Variants in CLIC5 observed in about 807,000 individuals in gnomAD.
The protein encoded by CLIC5 is CLIC family member 5.
In CLIC5, 20 loss-of-function variants were observed where a neutral mutation model predicts 24.7. That is an observed-to-expected ratio of 0.81 (90% confidence interval 0.57 to 1.18). The LOEUF (loss-of-function observed/expected upper bound fraction) is 1.18, where lower values mean the gene tolerates loss of function less well. Among genes scored for constraint, CLIC5 ranks in the 50% most tolerant of loss-of-function variants. The pLI is 0.00. For synonymous variants in CLIC5, 159 were observed against 135.6 expected (o/e 1.17, Z -1.20); for missense variants, 341 against 326.1 (o/e 1.05, Z -0.35).
At chr6:46,032,450 C>A (rs1767529823) in intron 1 of CLIC5, among the ~76,000 whole-genome samples, 1 of 152,148 alleles carries the variant, frequency 6.6e-6, no homozygotes, top group Admixed American at 6.5e-5. Context: ...TCAGCTTTTA[C>A]TTTATGCATT....
At chr6:45,994,601 C>T (rs116278468) in intron 1 of CLIC5, among the ~76,000 whole-genome samples, 2,375 of 151,998 alleles carry the variant, frequency 0.016, 71 homozygotes, top group African/African-American at 0.055. Flanking sequence ...ACGTGTATCC[C>T]GGGACTTAAA....
chr6:46,008,375 GGT>G (rs1766669056), intron 1 of CLIC5, among the ~76,000 whole-genome samples: 2 of 152,090 alleles, frequency 1.3e-5, no homozygotes. Flanking sequence ...ACTCAACTCA[GGT>G]CCCACCCTAC....
At chr6:46,035,997 G>C (rs897062667) in intron 1 of CLIC5, among the ~76,000 whole-genome samples, 1 of 151,826 alleles carries the variant, frequency 6.6e-6, no homozygotes, top group South Asian at 2.1e-4. Flanking sequence ...TGCCTGCCTC[G>C]GCCTCCCAAA....
chr6:46,039,907 A>T (rs1767759116), intron 1 of CLIC5, among the ~76,000 whole-genome samples: 1 of 152,254 alleles, frequency 6.6e-6, no homozygotes, highest in African/African-American at 2.4e-5. Context: ...ACACCACAGC[A>T]TATCAGTTAA....
the CLIC5 span, among the ~76,000 whole-genome samples, chr6:46,119,166 T>C: frequency 6.6e-6 from 1 of 152,168 alleles, no homozygotes; most frequent in Non-Finnish European, 1.5e-5. Context: ...GTAAAAAATT[T>C]GTGTTGGTCA....
chr6:45,941,258 C>T (rs1308158760), intron 4 of CLIC5, among the ~76,000 whole-genome samples: 1 of 152,186 alleles, frequency 6.6e-6, no homozygotes, highest in East Asian at 1.9e-4. Context: ...GTGCACTATG[C>T]TGTGCAATAA....
At chr6:46,120,233 A>C in the CLIC5 span, among the ~76,000 whole-genome samples, 1 of 152,090 alleles carries the variant, frequency 6.6e-6, no homozygotes, top group East Asian at 1.9e-4. Flanking sequence ...CTGAGATGAA[A>C]CCGCCAGAGG....
intron 1 of CLIC5, among the ~76,000 whole-genome samples, chr6:45,988,639 C>T (rs926461932): frequency 2.0e-5 from 3 of 152,308 alleles, no homozygotes; most frequent in African/African-American, 7.2e-5. Context: ...AACTATTATC[C>T]TTGTTTTAGC....
At position 45,971,826 on chromosome 6, in the gene CLIC5, G is replaced by C. The variant is rs3777597; in HGVS notation, c.64-16582C>G. ...GCAATTCTGCTGACTCTTCTACACA[G>C]AGAAGAGGCCTGCTGAAGAATTAAA... On this transcript the variant is annotated intron_variant, in intron 1 of 5. Transcript: ENST00000339561. Among the ~76,000 whole-genome samples the C allele has an allele frequency of 3.0e-4, 45 of 152,302 alleles. No homozygotes were observed. In the East Asian group the frequency reaches 8.3e-3, roughly 28 times the overall value.
upstream of CLIC5, among the ~76,000 whole-genome samples, chr6:46,018,462 T>C (rs1156910765): frequency 6.6e-6 from 1 of 152,238 alleles, no homozygotes; most frequent in Non-Finnish European, 1.5e-5. Context: ...AGATAACTTA[T>C]AGTTTTGATA....
intron 1 of CLIC5, among the ~76,000 whole-genome samples, chr6:46,059,083 A>C (rs1226322083): frequency 1.3e-5 from 2 of 152,144 alleles, no homozygotes; most frequent in Non-Finnish European, 2.9e-5. Context: ...GTTGGTGTCT[A>C]CCCCTAAGTA....
At chr6:46,122,809 G>T in the CLIC5 span, 7 of 152,172 alleles carry the variant, frequency 4.6e-5, no homozygotes, top group African/African-American at 1.7e-4. Context: ...ACACCTCTAT[G>T]CAAATAAACT....
chr6:46,055,922 G>A (rs1057044990), intron 1 of CLIC5, among the ~76,000 whole-genome samples: 5 of 152,192 alleles, frequency 3.3e-5, no homozygotes, highest in African/African-American at 1.2e-4. Context: ...ATTGGCTGGG[G>A]CTATGGGAAG....
intron 3 of CLIC5, among the ~76,000 whole-genome samples, chr6:45,948,994 G>A (rs1019176639): frequency 6.6e-6 from 1 of 152,080 alleles, no homozygotes; most frequent in African/African-American, 2.4e-5. Context: ...GGTATCCTAG[G>A]GCTCCTAAAA....
At chr6:46,077,120 C>T (rs1762791944) in intron 1 of CLIC5, among the ~76,000 whole-genome samples, 1 of 151,086 alleles carries the variant, frequency 6.6e-6, no homozygotes, top group Admixed American at 6.6e-5. Flanking sequence ...GGAGACGAGA[C>T]TTTTTTTTTC....
intron 1 of CLIC5, among the ~76,000 whole-genome samples, chr6:45,989,705 G>A (rs571061700): frequency 6.6e-6 from 1 of 152,300 alleles, no homozygotes; most frequent in Admixed American, 6.5e-5. Context: ...CTGGGGCAAG[G>A]TAGGCATCCC....
At chr6:46,024,569 G>A (rs1366711833) in intron 1 of CLIC5, among the ~76,000 whole-genome samples, 1 of 152,184 alleles carries the variant, frequency 6.6e-6, no homozygotes, top group Non-Finnish European at 1.5e-5. Flanking sequence ...TAGAGAGGAA[G>A]CCCAAGTTCT....
intron 2 of CLIC5, among the ~76,000 whole-genome samples, chr6:45,950,109 C>T (rs1331712381): frequency 6.6e-6 from 1 of 152,168 alleles, no homozygotes; most frequent in East Asian, 1.9e-4. Flanking sequence ...TAGGCTATTA[C>T]CAAGGATTCT....
intron 5 of CLIC5, 115 bp from the exon 6 acceptor site, chr6:45,903,370 G>A (rs1762562351): frequency 5.1e-6 from 4 of 779,156 alleles, no homozygotes; most frequent in Non-Finnish European, 7.6e-6. Flanking sequence ...GCATCACCAC[G>A]GGCCATCAGT....
Sources: allele counts gnomAD v4.1 joint callset (sites outside exome capture counted in the v4.1 genomes callset), GRCh38; gene constraint gnomAD v4.1.1; transcripts MANE v1.5; gene names NCBI Gene and HGNC (gene_info 2026-07-23, HGNC 2026-07-21).